Variants in HEATR4 observed in about 807,000 individuals in gnomAD.
HEATR4 encodes the protein HEAT repeat containing 4, also known as HEAT repeat-containing protein 4.
A neutral mutation model predicts 108.8 loss-of-function variants in HEATR4; 95 were observed. The ratio of observed to expected loss-of-function variants is 0.87; its 90% CI spans 0.74 to 1.04. The LOEUF (loss-of-function observed/expected upper bound fraction) is 1.04. Ranked by LOEUF, HEATR4 falls within the 50% of genes least tolerant of loss-of-function variation. HEATR4 has a pLI of 0.00. For missense variants in HEATR4, 1,152 were observed against 1,253.8 expected, an observed-to-expected ratio of 0.92 and a Z score of 1.23; for synonymous variants, 443 against 459.4, an observed-to-expected ratio of 0.96 and a Z score of 0.46.
chr14:73,502,887 G>A lies in HEATR4; in HGVS notation c.2105+8C>T, dbSNP rs1886568558. ...GAAGAGTGTCTCCTCATGTTGACTG[G>A]GTCTTACCTGATTATGTCGTGCACC... On this transcript the variant is annotated splice_region_variant and intron_variant, in intron 11 of 17. Coordinates refer to ENST00000553558, the MANE Select transcript of HEATR4 (RefSeq NM_001220484.1). 5 of 1,599,030 alleles carry A rather than the reference G, an allele frequency of 3.1e-6. No individual in the cohort carries two copies. Among genetic ancestry groups the A allele is most frequent in the Middle Eastern group, 1.7e-4 (1 of 6,034 alleles).
intron 14 of HEATR4, 36 bp from the exon 15 acceptor site, chr14:73,496,715 C>A: frequency 8.6e-7 from 1 of 1,168,482 alleles, no homozygotes; most frequent in South Asian, 1.2e-5. Context: ...ATTATTCTAC[C>A]CTGCCCTTTA....
intron 17 of HEATR4, chr14:73,491,102 G>T: frequency 6.2e-7 from 1 of 1,606,080 alleles, no homozygotes; most frequent in Non-Finnish European, 8.5e-7. Context: ...CAGCGGGTCG[G>T]TCCTGGCCCT....
chr14:73,509,216 T>TG, intron 8 of HEATR4, 96 bp downstream of exon 8: 1 of 1,204,368 alleles, frequency 8.3e-7, no homozygotes, highest in Non-Finnish European at 1.2e-6. Flanking sequence ...CAGCAGACAT[T>TG]GCAGAGCATC....
At chr14:73,575,248 A>C in the HEATR4 span, 1 of 884,510 alleles carries the variant, frequency 1.1e-6, no homozygotes, top group African/African-American at 2.4e-5. Context: ...AGTGAGTTCT[A>C]TGCTAATGAG....
At chr14:73,525,012 T>C (rs918864663) in intron 2 of HEATR4, among the ~76,000 whole-genome samples, 1 of 152,122 alleles carries the variant, frequency 6.6e-6, no homozygotes, top group African/African-American at 2.4e-5. Context: ...AAGTTCTTTT[T>C]TGTGTGTTTT....
chr14:73,605,238 C>T, the HEATR4 span, among the ~76,000 whole-genome samples: 4 of 152,048 alleles, frequency 2.6e-5, no homozygotes, highest in African/African-American at 7.2e-5. Context: ...TAAAAAAAGT[C>T]CTTTTAAATG....
the HEATR4 span, among the ~76,000 whole-genome samples, chr14:73,588,668 G>A: frequency 9.8e-5 from 15 of 152,290 alleles, no homozygotes; most frequent in Admixed American, 1.3e-4. Context: ...ACCTTATGAT[G>A]TTATTAATGG....
chr14:73,549,270 G>C (rs7152763), intron 1 of HEATR4, among the ~76,000 whole-genome samples: 1 of 113,602 alleles, frequency 8.8e-6, no homozygotes, highest in Non-Finnish European at 1.9e-5. Flanking sequence ...GTGTGTGTGT[G>C]TCTGTGTGTG....
At chr14:73,588,647 C>A in the HEATR4 span, among the ~76,000 whole-genome samples, 1 of 152,168 alleles carries the variant, frequency 6.6e-6, no homozygotes, top group African/African-American at 2.4e-5. Flanking sequence ...GCCCCAATTA[C>A]ACTGACAGCC....
chr14:73,602,186 G>A, the HEATR4 span, among the ~76,000 whole-genome samples: 117,287 of 152,070 alleles, frequency 0.77, 45,996 homozygotes, highest in African/African-American at 0.91. Flanking sequence ...TGATCCGCCC[G>A]CCTCGGCCTC....
At chr14:73,629,161 C>A in the HEATR4 span, among the ~76,000 whole-genome samples, 1 of 152,184 alleles carries the variant, frequency 6.6e-6, no homozygotes, top group Admixed American at 6.5e-5. Flanking sequence ...AAAATATCAG[C>A]AAAAAGATTA....
chr14:73,509,543 C>T (rs1012603606), intron 7 of HEATR4, 70 bp from the exon 8 acceptor site: 1 of 1,554,562 alleles, frequency 6.4e-7, no homozygotes, highest in Non-Finnish European at 8.8e-7. Context: ...TTCCTTCCTA[C>T]AGCCATGTGG....
the HEATR4 span, chr14:73,569,705 G>C: frequency 2.3e-5 from 37 of 1,609,556 alleles, no homozygotes; most frequent in Non-Finnish European, 3.0e-5. Flanking sequence ...TGGTGCGGCT[G>C]GTGAAGCGCG....
chr14:73,595,215 G>C, the HEATR4 span: 12 of 1,614,182 alleles, frequency 7.4e-6, no homozygotes, highest in Middle Eastern at 3.3e-4. Context: ...CCACCATTGG[G>C]CTATGACCTG....
intron 2 of HEATR4, among the ~76,000 whole-genome samples, chr14:73,525,645 C>T (rs1444039714): frequency 2.0e-5 from 3 of 152,168 alleles, no homozygotes; most frequent in Admixed American, 2.0e-4. Context: ...AACTGAACAA[C>T]TGTCCCCACA....
At chr14:73,543,216 G>A (rs141161609) in intron 1 of HEATR4, 2 of 1,603,742 alleles carry the variant, frequency 1.2e-6, no homozygotes, top group Non-Finnish European at 1.7e-6. Context: ...CCCCCTGTGG[G>A]CGTCAACAGA....
chr14:73,483,746 G>T (rs1440551629), intron 17 of HEATR4, among the ~76,000 whole-genome samples: 3 of 152,040 alleles, frequency 2.0e-5, no homozygotes, highest in Non-Finnish European at 2.9e-5. Context: ...GATTCAAATG[G>T]ATGCATTTAA....
the HEATR4 span, chr14:73,592,522 G>A: frequency 7.6e-7 from 1 of 1,317,062 alleles, no homozygotes; most frequent in Non-Finnish European, 1.0e-6. Context: ...GATCAGAGAA[G>A]CTAACATTGA....
In HEATR4 at chr14:73,535,803, C is replaced by G. The variant is rs532903002; in HGVS notation, c.-151-5559G>C. On this transcript the variant is annotated intron_variant, in intron 1 of 17. Transcript: ENST00000553558. ...CCCTTTTTCTTGTTAGAGACAGGGT[C>G]TTATCCAGGTTGGTCTGAAACTCCT... 8.7e-5 allele frequency among the ~76,000 whole-genome samples: 10 copies of G among 114,768 alleles called. 4 individuals are homozygous for G. In the Admixed American group the frequency reaches 8.8e-4, roughly 10 times the overall value. The allele number at this position is 114,768 out of a possible 152,430, so 75.3% of individuals were successfully genotyped here.
Sources: gnomAD v4.1 joint callset for allele counts (sites outside exome capture counted in the v4.1 genomes callset) on GRCh38, gnomAD v4.1.1 for gene constraint, MANE v1.5 for transcripts, NCBI Gene and HGNC (gene_info 2026-07-23, HGNC 2026-07-21) for gene names.